BRINP3: variants seen among roughly 807,000 people sequenced by gnomAD.
BRINP3 encodes the protein BMP/retinoic acid-inducible neural-specific protein 3.
A neutral mutation model predicts 71.0 loss-of-function variants in BRINP3; 19 were observed. The ratio of observed to expected loss-of-function variants is 0.27; its 90% CI spans 0.19 to 0.39. BRINP3 has a LOEUF of 0.39. BRINP3 is among the 10% of genes least tolerant of loss of function. The pLI, the probability that BRINP3 is intolerant of heterozygous loss-of-function variation, is 1.00. For missense variants in BRINP3, 959 were observed against 940.8 expected, an observed-to-expected ratio of 1.02 and a Z score of -0.25; for synonymous variants, 380 against 337.7, an observed-to-expected ratio of 1.13 and a Z score of -1.37.
intron 2 of BRINP3, among the ~76,000 whole-genome samples, chr1:190,449,314 T>TA (rs1675445781): frequency 6.6e-6 from 1 of 152,006 alleles, no homozygotes; most frequent in African/African-American, 2.4e-5. Context: ...TTTCTAGAGA[T>TA]ACCACAATTT....
intron 7 of BRINP3, among the ~76,000 whole-genome samples, chr1:190,111,876 TG>T (rs1267828496): frequency 1.3e-5 from 2 of 152,160 alleles, no homozygotes; most frequent in Non-Finnish European, 2.9e-5. Flanking sequence ...ATTGGAGGAC[TG>T]GAGGAGTGTT....
intron 2 of BRINP3, among the ~76,000 whole-genome samples, chr1:190,390,133 C>G (rs1671160875): frequency 6.6e-6 from 1 of 151,778 alleles, no homozygotes; most frequent in Admixed American, 6.6e-5. Flanking sequence ...TGAACAATTA[C>G]AGCAGGTAAA....
intron 3 of BRINP3, among the ~76,000 whole-genome samples, chr1:190,271,998 AC>A (rs1662149975): frequency 6.6e-6 from 1 of 151,554 alleles, no homozygotes; most frequent in Non-Finnish European, 1.5e-5. Flanking sequence ...GATAATACAA[AC>A]CTAATACATG....
At chr1:190,291,346 C>G (rs1473476722) in intron 2 of BRINP3, among the ~76,000 whole-genome samples, 1 of 151,824 alleles carries the variant, frequency 6.6e-6, no homozygotes, top group East Asian at 1.9e-4. Context: ...TGGATTACAA[C>G]AAAGTTAAAA....
intron 4 of BRINP3, among the ~76,000 whole-genome samples, chr1:190,236,288 G>A (rs1415569674): frequency 6.6e-6 from 1 of 151,964 alleles, no homozygotes; most frequent in East Asian, 1.9e-4. Flanking sequence ...GCTCACTGTG[G>A]AGGATATTTA....
intron 4 of BRINP3, among the ~76,000 whole-genome samples, chr1:190,248,257 C>T (rs1240502906): frequency 1.3e-5 from 2 of 151,100 alleles, no homozygotes; most frequent in Non-Finnish European, 3.0e-5. Context: ...TTTTATTTTC[C>T]TTTGTTTTTT....
intron 2 of BRINP3, among the ~76,000 whole-genome samples, chr1:190,348,453 T>C (rs1668163843): frequency 6.6e-6 from 1 of 152,098 alleles, no homozygotes; most frequent in South Asian, 2.1e-4. Context: ...GTCAGATCCT[T>C]TACACGAAAT....
At chr1:190,294,760 C>G (rs1664127085) in intron 2 of BRINP3, among the ~76,000 whole-genome samples, 1 of 151,994 alleles carries the variant, frequency 6.6e-6, no homozygotes, top group Admixed American at 6.6e-5. Flanking sequence ...TTCAGAGAGT[C>G]TTCCAGTAGT....
chr1:190,327,718 C>T (rs553268006), intron 2 of BRINP3, among the ~76,000 whole-genome samples: 5 of 152,250 alleles, frequency 3.3e-5, no homozygotes, highest in Admixed American at 1.3e-4. Context: ...CAATACTCCA[C>T]TGACAGCATT....
intron 7 of BRINP3, among the ~76,000 whole-genome samples, chr1:190,134,386 C>T (rs1214753115): frequency 4.0e-5 from 6 of 151,214 alleles, no homozygotes; most frequent in South Asian, 2.1e-4. Flanking sequence ...TTATGTTAGT[C>T]GTAAGAAACA....
At chr1:190,389,109 T>C (rs143176100) in intron 2 of BRINP3, among the ~76,000 whole-genome samples, 1 of 151,850 alleles carries the variant, frequency 6.6e-6, no homozygotes, top group East Asian at 1.9e-4. Flanking sequence ...CAGGACAAAT[T>C]TTATTTAGCA....
At position 190,320,015 on chromosome 1, in the gene BRINP3, C is replaced by CGT. The variant is rs200642622; in HGVS notation, c.237-38267_237-38266dup. On this transcript the variant is annotated intron_variant, in intron 2 of 7. Coordinates refer to ENST00000367462, the MANE Select transcript of BRINP3 (RefSeq NM_199051.3). ...TTTAAATTTTGATCTTTGTGATATA[C>CGT]GTGTGTGTGTGTGTGTAAATGTATG... 3.7e-3 allele frequency among the ~76,000 whole-genome samples: 558 copies of CGT among 150,824 alleles called. 2 individuals are homozygous for CGT. Among genetic ancestry groups the CGT allele is most frequent in the African/African-American group, 0.011 (460 of 41,158 alleles).
chr1:190,440,432 C>A (rs1411180010), intron 2 of BRINP3, among the ~76,000 whole-genome samples: 1 of 151,902 alleles, frequency 6.6e-6, no homozygotes, highest in Non-Finnish European at 1.5e-5. Flanking sequence ...CGTTCTACGG[C>A]ATATTTAGAA....
intron 2 of BRINP3, among the ~76,000 whole-genome samples, chr1:190,373,459 T>C (rs1053480084): frequency 1.1e-4 from 16 of 147,984 alleles, no homozygotes; most frequent in African/African-American, 4.0e-4. Context: ...TGTGTGTGTG[T>C]GTACATATAT....
rs778280914 is a variant in BRINP3, at chr1:190,098,207, T to C, written c.2112A>G (p.Leu704=). The C allele has an allele frequency of 6.8e-6, 11 of 1,614,032 alleles. No homozygotes were observed. Among genetic ancestry groups the C allele is most frequent in the East Asian group, 2.2e-5 (1 of 44,868 alleles). The change falls in exon 8 of 8, where the codon CTA becomes CTG. Residue 704 remains leucine, a synonymous_variant. Coordinates refer to ENST00000367462, the MANE Select transcript of BRINP3 (RefSeq NM_199051.3). ...GSQDSALLQL[L]EIRDRVNKLS... ...GTTTATTTACACGGTCTCTGATCTC[T>C]AGTAGTTGCAAAAGTGCTGAATCCT...
chr1:190,373,392 A>T (rs1475899091), intron 2 of BRINP3, among the ~76,000 whole-genome samples: 1 of 151,856 alleles, frequency 6.6e-6, no homozygotes, highest in East Asian at 1.9e-4. Context: ...TTTGTCTAAA[A>T]AAAATAAAAT....
intron 2 of BRINP3, among the ~76,000 whole-genome samples, chr1:190,442,041 A>C (rs1242074117): frequency 2.0e-5 from 3 of 152,050 alleles, no homozygotes; most frequent in Middle Eastern, 6.8e-3. Context: ...CTTTTGTTTT[A>C]TTTGGGAAAA....
chr1:190,471,447 T>G (rs1677133195), intron 1 of BRINP3, among the ~76,000 whole-genome samples: 1 of 151,466 alleles, frequency 6.6e-6, no homozygotes, highest in African/African-American at 2.4e-5. Context: ...AAATTATGAA[T>G]TATTAACACT....
chr1:190,283,721 C>A (rs899721610), intron 2 of BRINP3, among the ~76,000 whole-genome samples: 1 of 150,138 alleles, frequency 6.7e-6, no homozygotes, highest in Admixed American at 6.7e-5. Flanking sequence ...ATATTTAAGT[C>A]CTAAATTTGA....
Sources: allele counts gnomAD v4.1 joint callset (sites outside exome capture counted in the v4.1 genomes callset), GRCh38; gene constraint gnomAD v4.1.1; transcripts MANE v1.5; gene names NCBI Gene and HGNC (gene_info 2026-07-23, HGNC 2026-07-21).